The following CDH13 variants were observed in gnomAD, a reference collection of about 807,000 sequenced individuals.
The protein encoded by CDH13 is cadherin-13.
A neutral mutation model predicts 63.8 loss-of-function variants in CDH13; 24 were observed. The observed-to-expected ratio is 0.38, with a 90% CI of 0.27 to 0.53. The LOEUF (loss-of-function observed/expected upper bound fraction) is 0.53. Among genes scored for constraint, CDH13 ranks in the 20% least tolerant of loss-of-function variants. CDH13 has a pLI of 0.85. For synonymous variants in CDH13, 503 were observed against 355.3 expected (o/e 1.42, Z -4.67); for missense variants, 1,049 against 903.1 (o/e 1.16, Z -2.07).
intron 10 of CDH13, among the ~76,000 whole-genome samples, chr16:83,688,848 T>C (rs1039290861): frequency 1.3e-5 from 2 of 152,236 alleles, no homozygotes; most frequent in African/African-American, 4.8e-5. Context: ...TCAGATGTTC[T>C]GTTATGAAGA....
chr16:83,458,548 C>A (rs975088953), intron 6 of CDH13, among the ~76,000 whole-genome samples: 1 of 152,156 alleles, frequency 6.6e-6, no homozygotes, highest in Non-Finnish European at 1.5e-5. Context: ...CATCTCCCCC[C>A]ACTACAAAAA....
At position 83,672,613 on chromosome 16, in the gene CDH13, C is replaced by T. The variant is rs147321737; in HGVS notation, c.1284+1641C>T. ...CTAACTTTTGTATTTTCAATAGAGA[C>T]GGGGTCTCACCAGGTTGGCCAGGCT... On this transcript the variant is annotated intron_variant, in intron 9 of 13. Coordinates refer to ENST00000567109, the MANE Select transcript of CDH13 (RefSeq NM_001257.5). Among the ~76,000 whole-genome samples, 65 of 151,638 alleles carry T rather than the reference C, an allele frequency of 4.3e-4. 2 individuals carry two copies. The East Asian group carries it at 8.2e-3, about 19-fold the overall frequency.
chr16:83,299,828 A>T (rs1340920124), intron 5 of CDH13, among the ~76,000 whole-genome samples: 1 of 152,228 alleles, frequency 6.6e-6, no homozygotes, highest in East Asian at 1.9e-4. Context: ...GTACATAATG[A>T]TGAGCTCACA....
chr16:82,849,706 C>G (rs770740349), intron 1 of CDH13, among the ~76,000 whole-genome samples: 2 of 152,174 alleles, frequency 1.3e-5, no homozygotes, highest in Non-Finnish European at 2.9e-5. Flanking sequence ...AAGTAAAGGA[C>G]AAGCAAACTC....
At chr16:83,555,003 G>C (rs1488819796) in intron 7 of CDH13, among the ~76,000 whole-genome samples, 2 of 149,124 alleles carry the variant, frequency 1.3e-5, no homozygotes, top group Admixed American at 6.8e-5. Flanking sequence ...GTGCCACACA[G>C]ACAGAACCCT....
At chr16:83,694,448 G>T (rs1905189037) in intron 10 of CDH13, among the ~76,000 whole-genome samples, 2 of 152,186 alleles carry the variant, frequency 1.3e-5, no homozygotes, top group South Asian at 4.1e-4. Context: ...GAGCAGTCAG[G>T]AATGAGAAAC....
chr16:83,623,771 T>C (rs888591819), intron 8 of CDH13, among the ~76,000 whole-genome samples: 1 of 152,142 alleles, frequency 6.6e-6, no homozygotes, highest in Non-Finnish European at 1.5e-5. Context: ...ACAAACTGAA[T>C]TGTCCACTTG....
intron 6 of CDH13, chr16:83,383,256 G>C (rs1290312470): frequency 6.6e-6 from 1 of 152,160 alleles, no homozygotes; most frequent in Non-Finnish European, 1.5e-5. Flanking sequence ...ACCTGCTGGG[G>C]CACACACAAC....
chr16:82,727,231 G>C (rs529034927), intron 1 of CDH13, among the ~76,000 whole-genome samples: 19 of 152,132 alleles, frequency 1.2e-4, no homozygotes, highest in Non-Finnish European at 2.1e-4. Context: ...ACACACTCTG[G>C]TGTTTGCACT....
At chr16:83,364,208 G>A (rs1040488745) in intron 6 of CDH13, among the ~76,000 whole-genome samples, 4 of 152,136 alleles carry the variant, frequency 2.6e-5, no homozygotes, top group Non-Finnish European at 4.4e-5. Context: ...CCTTAAGATA[G>A]ACATAATAAG....
At position 82,963,316 on chromosome 16, in the gene CDH13, T is replaced by C. The variant is rs528947703; in HGVS notation, c.158-68694T>C. On this transcript the variant is annotated intron_variant, in intron 2 of 13. Coordinates refer to ENST00000567109, the MANE Select transcript of CDH13 (RefSeq NM_001257.5). ...ATCGCTTGAACCTGAGAGGCAGAAG[T>C]TGTGGTGGACCAAGAATGCACCATT... 7.9e-5 allele frequency among the ~76,000 whole-genome samples: 12 copies of C among 151,874 alleles called. No individual in the cohort carries two copies. The South Asian group carries it at 1.5e-3, about 19-fold the overall frequency.
At chr16:82,817,518 T>C (rs1478195812) in intron 1 of CDH13, among the ~76,000 whole-genome samples, 3 of 152,088 alleles carry the variant, frequency 2.0e-5, no homozygotes, top group Non-Finnish European at 4.4e-5. Context: ...TACATACAAA[T>C]ATAGAGTGGG....
At chr16:83,562,294 A>G (rs1364321215) in intron 7 of CDH13, among the ~76,000 whole-genome samples, 1 of 152,194 alleles carries the variant, frequency 6.6e-6, no homozygotes, top group East Asian at 1.9e-4. Flanking sequence ...AGAACTTTTC[A>G]TCTTCCTGTG....
chr16:82,654,384 G>C (rs1247406983), intron 1 of CDH13, among the ~76,000 whole-genome samples: 8 of 152,122 alleles, frequency 5.3e-5, no homozygotes, highest in African/African-American at 1.7e-4. Context: ...GAGTTGTTTT[G>C]AGCCAAGCAT....
At chr16:83,079,370 A>G (rs2033078868) in intron 3 of CDH13, among the ~76,000 whole-genome samples, 2 of 152,304 alleles carry the variant, frequency 1.3e-5, no homozygotes, top group South Asian at 4.1e-4. Flanking sequence ...TGCCTCTGAC[A>G]CAAAATCAAC....
At chr16:83,505,320 G>A (rs763473555) in intron 7 of CDH13, among the ~76,000 whole-genome samples, 6 of 152,094 alleles carry the variant, frequency 3.9e-5, no homozygotes, top group Non-Finnish European at 7.4e-5. Context: ...CTTAGTGTAC[G>A]CTGGACAACA....
At chr16:83,745,176 T>C (rs1312932869) in intron 10 of CDH13, among the ~76,000 whole-genome samples, 1 of 152,126 alleles carries the variant, frequency 6.6e-6, no homozygotes, top group Non-Finnish European at 1.5e-5. Context: ...TGTGTTACTA[T>C]TAATATTAAA....
intron 1 of CDH13, among the ~76,000 whole-genome samples, chr16:82,725,235 G>T (rs570503610): frequency 3.3e-5 from 5 of 152,090 alleles, no homozygotes; most frequent in Non-Finnish European, 7.4e-5. Flanking sequence ...TGCAAATAAC[G>T]TACATATGTC....
intron 3 of CDH13, among the ~76,000 whole-genome samples, chr16:83,058,132 A>G (rs1277176863): frequency 6.6e-6 from 1 of 152,170 alleles, no homozygotes; most frequent in Non-Finnish European, 1.5e-5. Context: ...TCTAAATACA[A>G]AGTTAGTTTG....
Sources: allele counts gnomAD v4.1 joint callset (sites outside exome capture counted in the v4.1 genomes callset), GRCh38; gene constraint gnomAD v4.1.1; transcripts MANE v1.5; gene names NCBI Gene and HGNC (gene_info 2026-07-23, HGNC 2026-07-21).